Variants in CUBN observed in about 807,000 individuals in gnomAD.
CUBN encodes the protein cubilin, also known as 460 kDa receptor.
Under a neutral mutation model 405.3 loss-of-function variants are expected in CUBN, and 282 were observed. The observed-to-expected ratio is 0.70, with a 90% confidence interval of 0.63 to 0.77. The LOEUF (loss-of-function observed/expected upper bound fraction) is 0.77, where lower values mean the gene tolerates loss of function less well. Ranked by LOEUF, CUBN falls within the 30% of genes least tolerant of loss-of-function variation. CUBN has a pLI of 0.00. For synonymous variants in CUBN, 1,684 were observed against 1,617.0 expected, an observed-to-expected ratio of 1.04 and a Z score of -0.99; for missense variants, 4,514 against 4,475.2, an observed-to-expected ratio of 1.01 and a Z score of -0.25.
intron 53 of CUBN, 131 bp downstream of exon 53, chr10:16,900,494 T>C: frequency 1.3e-6 from 1 of 752,738 alleles, no homozygotes; most frequent in East Asian, 2.6e-5. Flanking sequence ...CCACCAGGGT[T>C]GCTGCATGAG....
chr10:16,998,190 G>T (rs1833786568), intron 28 of CUBN, among the ~76,000 whole-genome samples: 1 of 152,008 alleles, frequency 6.6e-6, no homozygotes. Flanking sequence ...TGCCTACCAG[G>T]AACCTGTGAC....
At chr10:16,890,327 C>A in intron 55 of CUBN, 44 bp downstream of exon 55, 2 of 1,607,894 alleles carry the variant, frequency 1.2e-6, no homozygotes, top group Non-Finnish European at 1.7e-6. Context: ...GTGACAACCA[C>A]ACTCCCGCAA....
chr10:17,056,553 G>A (rs1160487599), intron 22 of CUBN, among the ~76,000 whole-genome samples: 1 of 151,816 alleles, frequency 6.6e-6, no homozygotes, highest in African/African-American at 2.4e-5. Flanking sequence ...AGCTTGCAGT[G>A]AGCCGAGATC....
At chr10:17,104,629 T>A (rs1836576992) in intron 11 of CUBN, 24 bp from the exon 12 acceptor site, 1 of 1,589,084 alleles carries the variant, frequency 6.3e-7, no homozygotes. Flanking sequence ...AAACACATAA[T>A]ACCATAAAAC....
At position 16,948,496 on chromosome 10, in the gene CUBN, C is replaced by G. The variant is rs1487735705; in HGVS notation, c.5191G>C (p.Val1731Leu). 3.1e-6 allele frequency: 5 copies of G among 1,613,982 alleles called. No homozygotes were observed. In the Admixed American group the frequency reaches 6.7e-5, roughly 22 times the overall value. ...TTCTTACCCGACACTGATGCGGTGA[C>G]CGTGGTGTGGAAACCCCCAGCACTG... ...SISAGGFHTT[V>L]TASVSACGGT... is the part of the protein sequence containing the mutation. Residue 1731 changes from valine to leucine, a missense_variant, in exon 35 of 67, where the codon GTC (valine) becomes CTC (leucine). Around this residue, in one of 5 missense-constraint regions of CUBN, gnomAD observed 1,613 missense variants for 1,542.8 expected, o/e 1.05. Coordinates refer to ENST00000377833, the MANE Select transcript of CUBN (RefSeq NM_001081.4).
At chr10:16,980,697 G>A (rs371741812) in intron 31 of CUBN, among the ~76,000 whole-genome samples, 74 of 152,152 alleles carry the variant, frequency 4.9e-4, no homozygotes, top group African/African-American at 1.6e-3. Flanking sequence ...GTCGAGGGGT[G>A]GGGGGCTAAG....
At position 16,903,967 on chromosome 10, in the gene CUBN, T is replaced by C. The variant is rs570639320; in HGVS notation, c.8061A>G (p.Thr2687=). ...HIGFHAKYSF[T]DCGGIQIGDS... is the part of the protein sequence containing the mutation. ...CAAGATCTTAATTATAATTCTTACC[T>C]GTAAAGGAATACTTTGCATGGAATC... is the stretch of plus-strand genomic sequence containing the variant. Residue 2687 remains threonine (T), a splice_region_variant and synonymous_variant, in exon 51 of 67, where the codon ACA becomes ACG. Coordinates refer to ENST00000377833, the MANE Select transcript of CUBN (RefSeq NM_001081.4). The C allele has an allele frequency of 5.6e-6, 9 of 1,600,902 alleles. No homozygotes were observed. The highest frequency in any genetic ancestry group is 1.7e-4 in the Middle Eastern group (1 of 6,026).
intron 31 of CUBN, among the ~76,000 whole-genome samples, chr10:16,973,467 G>C (rs1477095142): frequency 6.6e-5 from 10 of 152,340 alleles, no homozygotes; most frequent in Middle Eastern, 3.4e-3. Context: ...CAGACGGCAA[G>C]TCCTGACCCT....
Position 16,928,257 on chromosome 10 carries a change from C to T in CUBN, c.6171G>A (p.Glu2057=), listed in dbSNP as rs749078548. The T allele has an allele frequency of 1.2e-6, 2 of 1,613,936 alleles. No individual in the cohort carries two copies. The highest frequency in any genetic ancestry group is 1.7e-5 in the Admixed American group (1 of 59,982). The change falls in exon 41 of 67, where the codon GAG becomes GAA. Residue 2057 remains glutamate, a synonymous_variant. Transcript: ENST00000377833. ...AQQLAVLCGR[E]IPGPIRSTGE... ...CAGTAGACCGGATGGGCCCAGGGATCTCTCTGCCACAGAGAACTGCTAGCT... is the reference window on the plus strand; with the variant it reads ...CAGTAGACCGGATGGGCCCAGGGATTTCTCTGCCACAGAGAACTGCTAGCT...
At chr10:17,074,885 T>C (rs1425730100) in intron 17 of CUBN, among the ~76,000 whole-genome samples, 3 of 152,100 alleles carry the variant, frequency 2.0e-5, no homozygotes, top group Non-Finnish European at 2.9e-5. Flanking sequence ...CATTTCTGAA[T>C]AATCAAGGAG....
At chr10:16,916,900 C>T (rs1048750378) in intron 45 of CUBN, among the ~76,000 whole-genome samples, 7 of 151,382 alleles carry the variant, frequency 4.6e-5, no homozygotes, top group African/African-American at 1.2e-4. Flanking sequence ...CTGCAACCTC[C>T]GCCTCCTGGG....
At chr10:16,862,626 T>A (rs1840051828) in intron 59 of CUBN, among the ~76,000 whole-genome samples, 1 of 152,226 alleles carries the variant, frequency 6.6e-6, no homozygotes, top group African/African-American at 2.4e-5. Flanking sequence ...ACAGTTTATT[T>A]ATAACAAAAG....
intron 41 of CUBN, among the ~76,000 whole-genome samples, chr10:16,926,297 T>A (rs1178626021): frequency 2.0e-5 from 3 of 152,082 alleles, no homozygotes; most frequent in African/African-American, 7.2e-5. Context: ...GAAGTCAGAA[T>A]GGATGAGGCA....
chr10:17,000,741 G>T (rs2131738002), intron 28 of CUBN, among the ~76,000 whole-genome samples: 1 of 152,282 alleles, frequency 6.6e-6, no homozygotes, highest in African/African-American at 2.4e-5. Flanking sequence ...TTTGTGTTCT[G>T]ATTCCATTGC....
intron 59 of CUBN, among the ~76,000 whole-genome samples, chr10:16,855,002 T>C (rs919987265): frequency 1.4e-5 from 2 of 143,886 alleles, no homozygotes; most frequent in Non-Finnish European, 3.0e-5. Context: ...CTTTCCTTTT[T>C]TCTCTCTCTC....
chr10:17,050,692 T>C (rs1368391085), intron 22 of CUBN, among the ~76,000 whole-genome samples: 1 of 151,956 alleles, frequency 6.6e-6, no homozygotes, highest in Non-Finnish European at 1.5e-5. Flanking sequence ...CCTCAGGCAT[T>C]CAAATGAGAC....
At chr10:16,836,846 G>A (rs1484128963) in intron 62 of CUBN, among the ~76,000 whole-genome samples, 6 of 152,142 alleles carry the variant, frequency 3.9e-5, no homozygotes, top group Non-Finnish European at 7.3e-5. Context: ...CATCCCCCAA[G>A]CCAGCCGGGG....
intron 46 of CUBN, among the ~76,000 whole-genome samples, chr10:16,915,528 A>G (rs1180654232): frequency 6.6e-6 from 1 of 152,140 alleles, no homozygotes; most frequent in Non-Finnish European, 1.5e-5. Context: ...ACACCCCTCA[A>G]ATAACGGCAT....
Position 16,899,001 on chromosome 10 carries a change from C to T in CUBN, c.8593G>A (p.Val2865Met), listed in dbSNP as rs146847375. 4.5e-4 allele frequency: 730 copies of T among 1,607,960 alleles called. 1 individual carries two copies. Among genetic ancestry groups the T allele is most frequent in the Non-Finnish European group, 5.8e-4 (677 of 1,174,420 alleles). Residue 2865 changes from valine to methionine, a missense_variant, in exon 54 of 67, where the codon GTG becomes ATG. By Grantham distance (21) the Val-to-Met change is conservative (BLOSUM62 1). This residue lies in a region of CUBN where 1,186 missense variants were observed against 1,186.9 expected (regional missense o/e 1.00). Transcript: ENST00000377833. ...AAATGAACAAGTGTACTAACCTTCACGAAGCTATTCTGACATTGTCCATCA... is the reference window on the plus strand; with the variant it reads ...AAATGAACAAGTGTACTAACCTTCATGAAGCTATTCTGACATTGTCCATCA... ...SGDGQCQNSF[V>M]KVWAGTEEVD...
Sources: allele counts gnomAD v4.1 joint callset (sites outside exome capture counted in the v4.1 genomes callset), GRCh38; gene constraint gnomAD v4.1.1; regional missense constraint gnomAD v4.1.1; transcripts MANE v1.5; gene names NCBI Gene and HGNC (gene_info 2026-07-23, HGNC 2026-07-21).